Variants in SEL1L observed in about 807,000 individuals in gnomAD.
The protein encoded by SEL1L is SEL1L adaptor subunit of SYVN1 ubiquitin ligase, also known as protein sel-1 homolog 1.
SEL1L carries 52 observed loss-of-function variants against 109.8 expected under a neutral mutation model. The ratio of observed to expected loss-of-function variants is 0.47; its 90% CI spans 0.38 to 0.60. SEL1L has a LOEUF of 0.60. SEL1L is among the 20% of genes least tolerant of loss of function. The probability of loss-of-function intolerance (pLI) is 0.00; values close to 1 mark genes in which losing one functional copy is unlikely to be tolerated. For missense variants in SEL1L, 749 were observed against 962.2 expected (o/e 0.78, Z 2.93); for synonymous variants, 373 against 339.6 (o/e 1.10, Z -1.08).
chr14:81,482,496 A>G (rs1425749296), intron 19 of SEL1L, among the ~76,000 whole-genome samples: 1 of 152,130 alleles, frequency 6.6e-6, no homozygotes, highest in African/African-American at 2.4e-5. Context: ...ACATAGTGGT[A>G]CCCCATCTCC....
chr14:81,492,152 C>T (rs532012202), intron 12 of SEL1L, among the ~76,000 whole-genome samples: 3 of 152,110 alleles, frequency 2.0e-5, no homozygotes, highest in South Asian at 2.1e-4. Flanking sequence ...CCACCACACC[C>T]GGCTAATTTT....
At chr14:81,494,569 T>C (rs990140846) in intron 11 of SEL1L, among the ~76,000 whole-genome samples, 1 of 152,200 alleles carries the variant, frequency 6.6e-6, no homozygotes, top group African/African-American at 2.4e-5. Flanking sequence ...CATATTCCTG[T>C]AGTATGGGCA....
At chr14:81,489,976 CAT>C (rs1883478567) in intron 13 of SEL1L, among the ~76,000 whole-genome samples, 2 of 152,158 alleles carry the variant, frequency 1.3e-5, no homozygotes, top group South Asian at 4.1e-4. Flanking sequence ...ATACTGAAGA[CAT>C]ACAAGATTTC....
chr14:81,502,715 A>C lies in SEL1L; in HGVS notation c.777+6T>G. The C allele has an allele frequency of 6.2e-7, 1 of 1,613,256 alleles. No homozygotes were observed. The highest frequency in any genetic ancestry group is 8.5e-7 in the Non-Finnish European group (1 of 1,179,502). On this transcript the variant is annotated splice_donor_region_variant and intron_variant, in intron 6 of 20. Coordinates refer to ENST00000336735, the MANE Select transcript of SEL1L (RefSeq NM_005065.6). ...CAGAGAGATTCTTCACTGAGAATGT[A>C]CTTACAGTCTGTCCCTTGGGAGAGC...
At chr14:81,516,798 C>T (rs922590832) in intron 3 of SEL1L, among the ~76,000 whole-genome samples, 9 of 152,126 alleles carry the variant, frequency 5.9e-5, no homozygotes, top group Admixed American at 2.0e-4. Flanking sequence ...TACAATTTGC[C>T]GCTGGGGTAA....
Position 81,498,058 on chromosome 14 carries a change from G to A in SEL1L, c.974-12C>T. The A allele has an allele frequency of 6.2e-7, 1 of 1,605,248 alleles. No individual in the cohort carries two copies. ...GATATCACTAGCAACTGAAATAGAGGGATAAAACAATAAGGTGGAGGAAAA... is the reference window on the plus strand; with the variant it reads ...GATATCACTAGCAACTGAAATAGAGAGATAAAACAATAAGGTGGAGGAAAA... On this transcript the variant is annotated splice_polypyrimidine_tract_variant and intron_variant, in intron 9 of 20. Transcript: ENST00000336735.
chr14:81,530,767 T>C (rs1349729678), intron 1 of SEL1L, among the ~76,000 whole-genome samples: 1 of 152,198 alleles, frequency 6.6e-6, no homozygotes, highest in African/African-American at 2.4e-5. Flanking sequence ...CTGAAAAGTG[T>C]ATCACTGGGC....
chr14:81,493,505 T>A (rs1251110314), intron 11 of SEL1L, among the ~76,000 whole-genome samples: 3 of 127,378 alleles, frequency 2.4e-5, no homozygotes, highest in African/African-American at 9.2e-5. Context: ...GTGAACCCTG[T>A]CTCAAAATAA....
rs147344025 is a variant in SEL1L, at chr14:81,498,189, A to G, written c.974-143T>C. 2.6e-4 allele frequency: 232 copies of G among 898,050 alleles called. No individual in the cohort carries two copies. In the East Asian group the frequency reaches 5.3e-3, roughly 21 times the overall value. 55.6% of individuals were successfully genotyped at this position (898,050 alleles called of 1,614,324 possible). On this transcript the variant is annotated intron_variant, in intron 9 of 20. Transcript: ENST00000336735. ...TTTACAGTAGTCTATATAGATCGCA[A>G]ATCAGTAATCTATTAATAAATTGAA...
chr14:81,484,079 G>C, intron 19 of SEL1L, 146 bp downstream of exon 19: 1 of 789,316 alleles, frequency 1.3e-6, no homozygotes, highest in African/African-American at 1.7e-5. Flanking sequence ...TGGAAGGGCA[G>C]TCTTCTGAAA....
chr14:81,529,894 A>G (rs763572982), intron 1 of SEL1L, among the ~76,000 whole-genome samples: 1 of 152,226 alleles, frequency 6.6e-6, no homozygotes, highest in Non-Finnish European at 1.5e-5. Flanking sequence ...GTTATGCATA[A>G]ATAAAAAGCA....
At chr14:81,528,797 T>C (rs544205027) in intron 1 of SEL1L, among the ~76,000 whole-genome samples, 28 of 152,304 alleles carry the variant, frequency 1.8e-4, no homozygotes, top group African/African-American at 4.6e-4. Flanking sequence ...ATTTATACTT[T>C]ACTTCATATG....
intron 6 of SEL1L, among the ~76,000 whole-genome samples, chr14:81,500,748 T>C (rs368518816): frequency 8.2e-4 from 123 of 149,974 alleles, no homozygotes; most frequent in African/African-American, 3.1e-3. Flanking sequence ...CAAGATAAAC[T>C]ATCTCAGATA....
chr14:81,513,943 C>A (rs1884593919), intron 3 of SEL1L, among the ~76,000 whole-genome samples: 1 of 152,216 alleles, frequency 6.6e-6, no homozygotes, highest in Admixed American at 6.5e-5. Context: ...GAGACTCGCC[C>A]ATCTATCCTA....
rs1885018188 is a variant in SEL1L, at chr14:81,523,971, CATT to C, written c.340+2759_340+2761del. On this transcript the variant is annotated intron_variant, in intron 3 of 20. Transcript: ENST00000336735. ...AAATACAAACAAACAAAAACATACT[CATT>C]AGTCTCTTTCAGAGATTGCTTGGGC... Among the ~76,000 whole-genome samples, 5 of 152,334 alleles carry C rather than the reference CATT, an allele frequency of 3.3e-5. No homozygotes were observed. In the South Asian group the frequency reaches 1.0e-3, roughly 32 times the overall value.
At position 81,472,484 on chromosome 14, in the gene SEL1L, T is replaced by C; in HGVS notation, c.*4488A>G. On this transcript the variant is annotated 3_prime_UTR_variant, in exon 21 of 21. Coordinates refer to ENST00000336735, the MANE Select transcript of SEL1L (RefSeq NM_005065.6). Reference sequence around the variant, plus strand: ...TTGCACTTTGTGTACATGTTCACTCTTGATTTAATATTTTTTCATTTCTCC... The same window carrying C: ...TTGCACTTTGTGTACATGTTCACTCCTGATTTAATATTTTTTCATTTCTCC... 3.3e-6 allele frequency: 1 copy of C among 304,496 alleles called. No homozygotes were observed. Among genetic ancestry groups the C allele is most frequent in the Non-Finnish European group, 6.4e-6 (1 of 157,208 alleles). 18.9% of individuals were successfully genotyped at this position (304,496 alleles called of 1,614,324 possible).
At chr14:81,510,858 T>C (rs1286375230) in intron 3 of SEL1L, among the ~76,000 whole-genome samples, 1 of 152,190 alleles carries the variant, frequency 6.6e-6, no homozygotes, top group Non-Finnish European at 1.5e-5. Flanking sequence ...ACTGTCATAG[T>C]GTTCATCAAT....
chr14:81,479,517 A>C (rs1012040730), intron 20 of SEL1L, 95 bp downstream of exon 20: 17 of 1,302,266 alleles, frequency 1.3e-5, no homozygotes, highest in Non-Finnish European at 1.8e-5. Flanking sequence ...CTGCAGGACC[A>C]CTCTTCCCTG....
chr14:81,523,659 T>C (rs1051058735), intron 3 of SEL1L, among the ~76,000 whole-genome samples: 1 of 152,078 alleles, frequency 6.6e-6, no homozygotes, highest in Non-Finnish European at 1.5e-5. Flanking sequence ...GGGCTTATGA[T>C]TGGCATCTCA....
Sources: allele counts gnomAD v4.1 joint callset (sites outside exome capture counted in the v4.1 genomes callset), GRCh38; gene constraint gnomAD v4.1.1; transcripts MANE v1.5; gene names NCBI Gene and HGNC (gene_info 2026-07-23, HGNC 2026-07-21).